UBXN7: variants seen among roughly 807,000 people sequenced by gnomAD.
UBXN7 encodes the protein UBX domain protein 7, also known as UBX domain-containing protein 7.
Under a neutral mutation model 58.0 loss-of-function variants are expected in UBXN7, and 9 were observed. The ratio of observed to expected loss-of-function variants is 0.16; its 90% CI spans 0.09 to 0.27. The LOEUF is 0.27. Ranked by LOEUF, UBXN7 falls within the 10% of genes least tolerant of loss-of-function variation. The probability of loss-of-function intolerance (pLI) is 1.00; values close to 1 mark genes in which losing one functional copy is unlikely to be tolerated. For missense variants in UBXN7, 328 were observed against 599.6 expected, an observed-to-expected ratio of 0.55 and a Z score of 4.73; for synonymous variants, 208 against 205.0, an observed-to-expected ratio of 1.01 and a Z score of -0.12.
chr3:196,428,457 A>T (rs1476843075), intron 1 of UBXN7, among the ~76,000 whole-genome samples: 4 of 152,164 alleles, frequency 2.6e-5, no homozygotes, highest in African/African-American at 7.2e-5. Flanking sequence ...TCTTTAAAAA[A>T]AAAAAAAGAA....
At chr3:196,378,125 T>C (rs1729088814) in intron 5 of UBXN7, among the ~76,000 whole-genome samples, 1 of 152,256 alleles carries the variant, frequency 6.6e-6, no homozygotes, top group Non-Finnish European at 1.5e-5. Context: ...TTATAGTCTG[T>C]TTCTCCTACT....
intron 1 of UBXN7, among the ~76,000 whole-genome samples, chr3:196,427,363 G>A (rs1730882012): frequency 6.6e-6 from 1 of 152,204 alleles, no homozygotes; most frequent in Non-Finnish European, 1.5e-5. Context: ...TGTCGCCCAG[G>A]CTGGAGTGCA....
chr3:196,417,579 A>T (rs1422918816), intron 1 of UBXN7, among the ~76,000 whole-genome samples: 1 of 151,822 alleles, frequency 6.6e-6, no homozygotes, highest in Non-Finnish European at 1.5e-5. Context: ...TAAAATGGGG[A>T]TTTATCAACT....
chr3:196,397,682 T>C (rs1415253932), intron 3 of UBXN7: 2 of 152,224 alleles, frequency 1.3e-5, no homozygotes, highest in South Asian at 4.1e-4. Context: ...CCAATCAGCA[T>C]AGGGCCCTAC....
chr3:196,364,128 A>G (rs1413214310), intron 8 of UBXN7, among the ~76,000 whole-genome samples: 9 of 152,214 alleles, frequency 5.9e-5, no homozygotes, highest in African/African-American at 2.2e-4. Flanking sequence ...TTTCATTATG[A>G]TAACAAGAAA....
At chr3:196,362,046 T>C in intron 9 of UBXN7, 123 bp from the exon 10 acceptor site, 1 of 1,063,116 alleles carries the variant, frequency 9.4e-7, no homozygotes. Context: ...TTTGCTGGAG[T>C]GCAGTGGCGT....
intron 5 of UBXN7, among the ~76,000 whole-genome samples, chr3:196,387,126 T>A (rs1009709904): frequency 6.6e-6 from 1 of 151,994 alleles, no homozygotes; most frequent in African/African-American, 2.4e-5. Flanking sequence ...GCCTCAGAAA[T>A]AACACCACAC....
At chr3:196,425,063 A>G (rs1417609788) in intron 1 of UBXN7, among the ~76,000 whole-genome samples, 3 of 152,082 alleles carry the variant, frequency 2.0e-5, no homozygotes, top group Non-Finnish European at 4.4e-5. Context: ...TTCTAGACCC[A>G]AATATTCATC....
intron 5 of UBXN7, among the ~76,000 whole-genome samples, chr3:196,380,695 C>T (rs559138695): frequency 6.6e-6 from 1 of 152,356 alleles, no homozygotes; most frequent in African/African-American, 2.4e-5. Context: ...CTGGGAAGTG[C>T]AAGGGGTCGG....
chr3:196,375,010 G>GGAAGGAAT (rs1211786253), intron 5 of UBXN7, among the ~76,000 whole-genome samples: 7 of 117,146 alleles, frequency 6.0e-5, no homozygotes, highest in African/African-American at 2.2e-4. Context: ...GAGGGAGGAA[G>GGAAGGAAT]GAAGGAAGGA....
intron 5 of UBXN7, among the ~76,000 whole-genome samples, chr3:196,391,502 A>G (rs1362061350): frequency 6.6e-6 from 1 of 152,024 alleles, no homozygotes; most frequent in African/African-American, 2.4e-5. Context: ...AGGCTGAGGC[A>G]AGAGGATTGC....
Position 196,401,320 on chromosome 3 carries a change from CATAT to C in UBXN7, c.289+1628_289+1631del, listed in dbSNP as rs34621144. 1.3e-3 allele frequency among the ~76,000 whole-genome samples: 93 copies of C among 72,468 alleles called. 1 individual carries two copies. The highest frequency in any genetic ancestry group is 4.9e-3 in the East Asian group (5 of 1,022). The allele number at this position is 72,468 out of a possible 152,430, so 47.5% of individuals were successfully genotyped here. ...ATATACACACACACACACACACACACATATATATATATACACATATATACAAAAA... is the reference window on the plus strand; with the variant it reads ...ATATACACACACACACACACACACACATATATATACACATATATACAAAAA... On this transcript the variant is annotated intron_variant, in intron 3 of 10. Transcript: ENST00000296328.
intron 6 of UBXN7, among the ~76,000 whole-genome samples, chr3:196,370,657 T>A (rs572349483): frequency 6.7e-4 from 101 of 151,814 alleles, no homozygotes; most frequent in African/African-American, 2.4e-3. Flanking sequence ...TAATAGCATA[T>A]CTTACAGTAG....
intron 3 of UBXN7, among the ~76,000 whole-genome samples, chr3:196,396,359 G>A (rs1424417295): frequency 6.7e-6 from 1 of 148,448 alleles, no homozygotes; most frequent in Non-Finnish European, 1.5e-5. Context: ...CAAGGAGTTC[G>A]AGTACAGTCT....
chr3:196,406,824 T>C (rs745894379), intron 2 of UBXN7, among the ~76,000 whole-genome samples: 4 of 152,216 alleles, frequency 2.6e-5, no homozygotes, highest in Admixed American at 1.3e-4. Flanking sequence ...ATCTGAACTT[T>C]ACTGGGCTCT....
In UBXN7 at chr3:196,366,793, G is replaced by A. The variant is rs562989486; in HGVS notation, c.834+1235C>T. Among the ~76,000 whole-genome samples the A allele has an allele frequency of 1.4e-4, 21 of 152,236 alleles. 1 individual carries two copies. The highest frequency in any genetic ancestry group is 1.2e-3 in the Admixed American group (19 of 15,288). ...GGTCCCAGCTACTTAGGAGGCTGAGGTGGAAGGATCGCTTGAGCCCAAGAG... is the reference window on the plus strand; with the variant it reads ...GGTCCCAGCTACTTAGGAGGCTGAGATGGAAGGATCGCTTGAGCCCAAGAG... On this transcript the variant is annotated intron_variant, in intron 8 of 10. Coordinates refer to ENST00000296328, the MANE Select transcript of UBXN7 (RefSeq NM_015562.2).
At chr3:196,404,655 G>T (rs1318528512) in intron 2 of UBXN7, among the ~76,000 whole-genome samples, 1 of 152,188 alleles carries the variant, frequency 6.6e-6, no homozygotes, top group Non-Finnish European at 1.5e-5. Flanking sequence ...TTTATGAAAT[G>T]AAGTAGGAAT....
intron 4 of UBXN7, among the ~76,000 whole-genome samples, chr3:196,392,283 C>A (rs1729608968): frequency 6.6e-6 from 1 of 152,026 alleles, no homozygotes; most frequent in Non-Finnish European, 1.5e-5. Context: ...CAGCAGATCA[C>A]CTGAGGTCAG....
rs889707256 is a variant in UBXN7, at chr3:196,352,798, C to T, written c.*3887G>A. On this transcript the variant is annotated 3_prime_UTR_variant, in exon 11 of 11. Transcript: ENST00000296328. The surrounding 1 kb of genome is among the most constrained non-coding windows in gnomAD (Gnocchi z 4.1). ...CACGAGATCAAGAGATCGAGACCAT[C>T]CTGGCCAACATGGTGAAACCCTGTC... 2.6e-5 allele frequency: 4 copies of T among 152,048 alleles called. No homozygotes were observed. Among genetic ancestry groups the T allele is most frequent in the Non-Finnish European group, 5.9e-5 (4 of 67,978 alleles). The allele number at this position is 152,048 out of a possible 1,614,324, so 9.4% of individuals were successfully genotyped here.
Sources: allele counts gnomAD v4.1 joint callset (sites outside exome capture counted in the v4.1 genomes callset), GRCh38; gene constraint gnomAD v4.1.1; non-coding constraint Gnocchi (gnomAD v3.1); transcripts MANE v1.5; gene names NCBI Gene and HGNC (gene_info 2026-07-23, HGNC 2026-07-21).